CDH15: variants seen among roughly 807,000 people sequenced by gnomAD.
CDH15 encodes the protein cadherin-15.
CDH15 carries 73 observed loss-of-function variants against 69.4 expected under a neutral mutation model. The ratio of observed to expected loss-of-function variants is 1.05; its 90% CI spans 0.87 to 1.28. CDH15 has a LOEUF of 1.28. Among genes scored for constraint, CDH15 ranks in the 50% most tolerant of loss-of-function variants. CDH15 has a pLI of 0.00. For missense variants in CDH15, 1,343 were observed against 1,133.6 expected, an observed-to-expected ratio of 1.18 and a Z score of -2.65; for synonymous variants, 624 against 507.7, an observed-to-expected ratio of 1.23 and a Z score of -3.08.
chr16:89,187,661 G>A, intron 6 of CDH15, 104 bp downstream of exon 6: 1 of 1,503,068 alleles, frequency 6.7e-7, no homozygotes. Flanking sequence ...GCAGGAGGAT[G>A]GTGTGCTTTG....
intron 1 of CDH15, among the ~76,000 whole-genome samples, chr16:89,177,242 G>GA (rs1915277050): frequency 6.6e-6 from 1 of 152,182 alleles, no homozygotes; most frequent in African/African-American, 2.4e-5. Flanking sequence ...GGGCTGGGAA[G>GA]GTCGGGGTAC....
At chr16:89,187,682 T>A (rs1386553233) in intron 6 of CDH15, 125 bp downstream of exon 6, 1 of 1,388,904 alleles carries the variant, frequency 7.2e-7, no homozygotes, top group Non-Finnish European at 1.0e-6. Context: ...GAGAAGGAAC[T>A]CCGCGTGGGC....
At chr16:89,174,792 C>T (rs1473715409) in intron 1 of CDH15, among the ~76,000 whole-genome samples, 1 of 152,088 alleles carries the variant, frequency 6.6e-6, no homozygotes, top group African/African-American at 2.4e-5. Flanking sequence ...GGGTGGGGGA[C>T]AGAGAGGAGT....
chr16:89,183,276 C>T (rs1212388309), intron 3 of CDH15: 9 of 473,584 alleles, frequency 1.9e-5, no homozygotes, highest in African/African-American at 1.2e-4. Flanking sequence ...GAGAGCCTTA[C>T]TTTAGTCACA....
chr16:89,189,667 C>T (rs1391457322), intron 7 of CDH15, among the ~76,000 whole-genome samples: 1 of 152,252 alleles, frequency 6.6e-6, no homozygotes, highest in Non-Finnish European at 1.5e-5. Flanking sequence ...ACACCTGTGT[C>T]AGTCCTGGTT....
chr16:89,190,896 CT>C (rs1915624707), intron 8 of CDH15, among the ~76,000 whole-genome samples: 1 of 152,184 alleles, frequency 6.6e-6, no homozygotes, highest in African/African-American at 2.4e-5. Context: ...TCTCAGCGCC[CT>C]GGACAGCTCG....
Position 89,191,595 on chromosome 16 carries a change from C to T in CDH15, c.1376-60C>T, listed in dbSNP as rs1448105175. 3 of 1,571,600 alleles carry T rather than the reference C, an allele frequency of 1.9e-6. No homozygotes were observed. The Admixed American group carries it at 5.5e-5, about 29-fold the overall frequency. On this transcript the variant is annotated intron_variant, in intron 9 of 13. Coordinates refer to ENST00000289746, the MANE Select transcript of CDH15 (RefSeq NM_004933.3). ...CTCAGAGCTGCGCACCCGCTCTGAG[C>T]CGACTGGTGGGGCAGGCTGGGGTGT...
Position 89,189,306 on chromosome 16 carries a change from GATGCCGGCACACACAC to G in CDH15, c.979-921_979-906del, listed in dbSNP as rs1323463947. ...CGGCACACACAGATGCCCACACACA[GATGCCGGCACACACAC>G]ATGCCGGCACACACAGATGCCCACA... On this transcript the variant is annotated intron_variant, in intron 7 of 13. Transcript: ENST00000289746. Among the ~76,000 whole-genome samples, 546 of 69,562 alleles carry G rather than the reference GATGCCGGCACACACAC, an allele frequency of 7.8e-3. 2 individuals carry two copies. Among genetic ancestry groups the G allele is most frequent in the Non-Finnish European group, 0.012 (415 of 35,316 alleles). 45.6% of individuals were successfully genotyped at this position (69,562 alleles called of 152,430 possible). A position where few individuals can be genotyped will look rare whatever the true frequency, so the allele number is the denominator to read the frequency against.
chr16:89,190,610 T>C (rs888185565), intron 8 of CDH15, 114 bp downstream of exon 8: 3 of 1,335,740 alleles, frequency 2.2e-6, no homozygotes, highest in Admixed American at 2.1e-5. Context: ...CCATTTGCTG[T>C]GTGGGTTCCT....
At position 89,192,482 on chromosome 16, in the gene CDH15, C is replaced by T. The variant is rs563257885; in HGVS notation, c.1855+38C>T. ...CCCGCCTCCACCTGGACCCTCGGAC[C>T]CTCGGACCCTCCTCCCCAGGCCGTC... is the stretch of plus-strand genomic sequence containing the variant. On this transcript the variant is annotated intron_variant, in intron 11 of 13. Transcript: ENST00000289746. The T allele has an allele frequency of 6.4e-6, 10 of 1,557,144 alleles. 1 individual carries two copies. In the South Asian group the frequency reaches 8.1e-5, roughly 13 times the overall value.
At chr16:89,179,068 G>A (rs1293950464) in intron 1 of CDH15, among the ~76,000 whole-genome samples, 4 of 152,222 alleles carry the variant, frequency 2.6e-5, no homozygotes, top group East Asian at 3.8e-4. Flanking sequence ...GAACCCTAGC[G>A]CTACCTCCCA....
chr16:89,187,369 C>G, intron 5 of CDH15, 60 bp from the exon 6 acceptor site: 1 of 1,603,730 alleles, frequency 6.2e-7, no homozygotes, highest in African/African-American at 1.3e-5. Context: ...CCACCCCTGA[C>G]CAGTCCCCAT....
chr16:89,177,503 G>T (rs1915283572), intron 1 of CDH15, among the ~76,000 whole-genome samples: 1 of 152,098 alleles, frequency 6.6e-6, no homozygotes, highest in African/African-American at 2.4e-5. Context: ...CCGAGAGAAA[G>T]GCCGGGAGCC....
chr16:89,184,646 G>C (rs142762146), intron 4 of CDH15, among the ~76,000 whole-genome samples: 8 of 151,716 alleles, frequency 5.3e-5, no homozygotes, highest in Non-Finnish European at 7.4e-5. Context: ...TATCCTGTCC[G>C]TGCGTCCTCT....
At chr16:89,186,950 G>C (rs1915504311) in intron 5 of CDH15, among the ~76,000 whole-genome samples, 1 of 147,120 alleles carries the variant, frequency 6.8e-6, no homozygotes, top group African/African-American at 2.6e-5. Flanking sequence ...TAGGTGCTCT[G>C]TAAACGCTTA....
chr16:89,191,932 C>T, intron 10 of CDH15, 38 bp downstream of exon 10: 7 of 1,510,394 alleles, frequency 4.6e-6, no homozygotes, highest in South Asian at 1.2e-5. Flanking sequence ...CCCATCCCCA[C>T]GCTCCCCCCA....
At chr16:89,183,783 C>T in intron 4 of CDH15, 91 bp downstream of exon 4, 7 of 1,339,618 alleles carry the variant, frequency 5.2e-6, no homozygotes, top group Non-Finnish European at 7.1e-6. Flanking sequence ...ATTCCAGAGG[C>T]CCCTCAGAGT....
chr16:89,191,531 C>T (rs1370206718), intron 9 of CDH15, 59 bp downstream of exon 9: 9 of 1,601,558 alleles, frequency 5.6e-6, no homozygotes, highest in Non-Finnish European at 7.6e-6. Context: ...CTGAGCACCC[C>T]TGCCAGTGTC....
At chr16:89,192,935 C>G (rs111985917) in intron 11 of CDH15, among the ~76,000 whole-genome samples, 7,455 of 119,246 alleles carry the variant, frequency 0.063, 710 homozygotes, top group Admixed American at 0.15. Context: ...CCCTTCCTCC[C>G]CAGTTCCACC....
Sources: allele counts gnomAD v4.1 joint callset (sites outside exome capture counted in the v4.1 genomes callset), GRCh38; gene constraint gnomAD v4.1.1; transcripts MANE v1.5; gene names NCBI Gene and HGNC (gene_info 2026-07-23, HGNC 2026-07-21).